The following SLC26A8 variants were observed in gnomAD, a reference collection of about 807,000 sequenced individuals.
The protein encoded by SLC26A8 is testis anion transporter 1.
A neutral mutation model predicts 105.0 loss-of-function variants in SLC26A8; 70 were observed. The ratio of observed to expected loss-of-function variants is 0.67; its 90% CI spans 0.55 to 0.81. The LOEUF (loss-of-function observed/expected upper bound fraction) is 0.81. Ranked by LOEUF, SLC26A8 falls within the 40% of genes least tolerant of loss-of-function variation. The pLI, the probability that SLC26A8 is intolerant of heterozygous loss-of-function variation, is 0.00. For missense variants in SLC26A8, 998 were observed against 1,181.8 expected, an observed-to-expected ratio of 0.84 and a Z score of 2.28; for synonymous variants, 415 against 438.3, an observed-to-expected ratio of 0.95 and a Z score of 0.66.
Position 35,968,605 on chromosome 6 carries a change from G to GAATATATA in SLC26A8, c.1365+271_1365+272insTATATATT, listed in dbSNP as rs1402291129. 5.5e-3 allele frequency among the ~76,000 whole-genome samples: 294 copies of GAATATATA among 53,784 alleles called. 11 individuals are homozygous for GAATATATA. The highest frequency in any genetic ancestry group is 6.7e-3 in the Non-Finnish European group (187 of 28,012). The allele number at this position is 53,784 out of a possible 152,430, so 35.3% of individuals were successfully genotyped here. ...TATGTGTGTATGTGTGTGTGTGTGT[G>GAATATATA]TGTGTATATATATATATATATATAT... On this transcript the variant is annotated intron_variant, in intron 11 of 19. Transcript: ENST00000490799.
At chr6:35,991,401 C>T in intron 7 of SLC26A8, among the ~76,000 whole-genome samples, 1 of 100,452 alleles carries the variant, frequency 1.0e-5, no homozygotes, top group South Asian at 3.3e-4. Flanking sequence ...AAGACTCTGT[C>T]AAAAAAAAAA....
At chr6:35,945,429 G>A (rs1206423963) in intron 19 of SLC26A8, among the ~76,000 whole-genome samples, 1 of 152,178 alleles carries the variant, frequency 6.6e-6, no homozygotes, top group Non-Finnish European at 1.5e-5. Context: ...TCCTTGACAG[G>A]GCCTATAAGG....
At chr6:36,003,092 T>A (rs1221988343) in intron 3 of SLC26A8, among the ~76,000 whole-genome samples, 1 of 152,354 alleles carries the variant, frequency 6.6e-6, no homozygotes, top group East Asian at 1.9e-4. Context: ...TTTGGGCTTT[T>A]CCTTTTGCTT....
At chr6:35,952,479 A>G (rs1368266614) in intron 17 of SLC26A8, among the ~76,000 whole-genome samples, 1 of 152,204 alleles carries the variant, frequency 6.6e-6, no homozygotes, top group African/African-American at 2.4e-5. Flanking sequence ...AAGCAAATCA[A>G]TATCGACTTT....
chr6:35,990,426 G>C (rs1416192540), intron 7 of SLC26A8: 2 of 160,372 alleles, frequency 1.2e-5, no homozygotes, highest in African/African-American at 4.8e-5. Context: ...ATAGGAAAGG[G>C]CCGTTCATTT....
chr6:36,014,206 T>C (rs960585681), intron 2 of SLC26A8, among the ~76,000 whole-genome samples: 2 of 152,196 alleles, frequency 1.3e-5, no homozygotes, highest in African/African-American at 2.4e-5. Flanking sequence ...CCTGGTTCAG[T>C]CTGCCTTCCT....
intron 10 of SLC26A8, among the ~76,000 whole-genome samples, chr6:35,972,973 C>T (rs1772854646): frequency 6.7e-6 from 1 of 150,128 alleles, no homozygotes; most frequent in Admixed American, 6.6e-5. Context: ...CCTTCTTCCT[C>T]CTTCCATCTA....
chr6:35,994,848 A>G (rs1314450412), intron 5 of SLC26A8, among the ~76,000 whole-genome samples: 4 of 152,194 alleles, frequency 2.6e-5, no homozygotes, highest in African/African-American at 4.8e-5. Flanking sequence ...AAGTGCCGGA[A>G]TTACAGGCGT....
At position 35,981,448 on chromosome 6, in the gene SLC26A8, C is replaced by G. The variant is rs1170805734; in HGVS notation, c.1025+673G>C. 6.6e-6 allele frequency among the ~76,000 whole-genome samples: 1 copy of G among 152,126 alleles called. No individual in the cohort carries two copies. Among genetic ancestry groups the G allele is most frequent in the Non-Finnish European group, 1.5e-5 (1 of 68,022 alleles). On this transcript the variant is annotated intron_variant, in intron 8 of 19. Transcript: ENST00000490799. The surrounding 1 kb of genome is among the most constrained non-coding windows in gnomAD (Gnocchi z 4.0). ...TTGAGTCTGGGATTTTGAGACTAGCCTGAGCAACACAGCAAAATGCTGTCT... is the reference window on the plus strand; with the variant it reads ...TTGAGTCTGGGATTTTGAGACTAGCGTGAGCAACACAGCAAAATGCTGTCT...
At chr6:36,011,719 C>T (rs1761861814) in intron 3 of SLC26A8, among the ~76,000 whole-genome samples, 1 of 152,118 alleles carries the variant, frequency 6.6e-6, no homozygotes, top group Non-Finnish European at 1.5e-5. Context: ...GTGATCCTCC[C>T]ACCTTGGCCT....
chr6:36,012,711 T>C (rs958505947), intron 2 of SLC26A8, among the ~76,000 whole-genome samples: 14 of 152,240 alleles, frequency 9.2e-5, no homozygotes, highest in African/African-American at 3.1e-4. Flanking sequence ...GCTATGTATA[T>C]GTCAAGAACT....
chr6:36,002,052 T>C (rs1043710280), intron 3 of SLC26A8, among the ~76,000 whole-genome samples: 2 of 152,248 alleles, frequency 1.3e-5, no homozygotes, highest in African/African-American at 2.4e-5. Context: ...TTGATATGTC[T>C]CTTAAGTCTC....
intron 17 of SLC26A8, chr6:35,954,747 C>A (rs1771992481): frequency 4.6e-6 from 1 of 217,468 alleles, no homozygotes; most frequent in Non-Finnish European, 9.2e-6. Context: ...CAGTTTGAGA[C>A]CAACCTGGCC....
At chr6:36,002,853 G>A (rs975849215) in intron 3 of SLC26A8, among the ~76,000 whole-genome samples, 4 of 151,886 alleles carry the variant, frequency 2.6e-5, no homozygotes, top group Admixed American at 6.6e-5. Context: ...ATAGGCGCAC[G>A]CCACCATGCC....
intron 5 of SLC26A8, among the ~76,000 whole-genome samples, chr6:35,994,116 C>G (rs11375787): frequency 0.021 from 1,380 of 66,216 alleles, 30 homozygotes; most frequent in African/African-American, 0.053. Flanking sequence ...TTTTTCTTTT[C>G]TTTTTTTTTT....
In SLC26A8 at chr6:35,951,705, A is replaced by G. The variant is rs1242745118; in HGVS notation, c.2233-206T>C. ...GTGATTTGTCCACCTCAGCCTCCCA[A>G]GTAGCTGAGACTACAGGTGCATACC... is the stretch of plus-strand genomic sequence containing the variant. On this transcript the variant is annotated intron_variant, in intron 17 of 19. Transcript: ENST00000490799. Among the ~76,000 whole-genome samples the G allele has an allele frequency of 2.0e-5, 3 of 152,042 alleles. 1 individual carries two copies. Among genetic ancestry groups the G allele is most frequent in the East Asian group, 1.9e-4 (1 of 5,184 alleles).
At chr6:36,013,130 C>T (rs537590862) in intron 2 of SLC26A8, among the ~76,000 whole-genome samples, 16 of 151,864 alleles carry the variant, frequency 1.1e-4, no homozygotes, top group Non-Finnish European at 1.9e-4. Flanking sequence ...ACTTTATTAT[C>T]CTTTAGCCCA....
rs1314869939 is a variant in SLC26A8 at position 35,945,170 on chromosome 6, A to AT, written c.2473-831dup. On this transcript the variant is annotated intron_variant, in intron 19 of 19. Coordinates refer to ENST00000490799, the MANE Select transcript of SLC26A8 (RefSeq NM_052961.4). ...CAACCTTTATTTATTTTTCATTAAA[A>AT]TTTTTTTTAATTTTCTTTAAAATGC... is the stretch of plus-strand genomic sequence containing the variant. Among the ~76,000 whole-genome samples, 15 of 152,212 alleles carry AT rather than the reference A, an allele frequency of 9.9e-5. No homozygotes were observed. The East Asian group carries it at 2.3e-3, about 24-fold the overall frequency.
At chr6:36,012,196 A>G (rs1371019714) in intron 3 of SLC26A8, 37 bp downstream of exon 3, 2 of 1,602,792 alleles carry the variant, frequency 1.2e-6, no homozygotes, top group Non-Finnish European at 1.7e-6. Flanking sequence ...GGTCTGATAC[A>G]TTGTCTTTGG....
Sources: gnomAD v4.1 joint callset for allele counts (sites outside exome capture counted in the v4.1 genomes callset) on GRCh38, gnomAD v4.1.1 for gene constraint, Gnocchi (gnomAD v3.1) non-coding constraint, MANE v1.5 for transcripts, NCBI Gene and HGNC (gene_info 2026-07-23, HGNC 2026-07-21) for gene names.